Variants in TBC1D8 observed in about 807,000 individuals in gnomAD.
The protein encoded by TBC1D8 is TBC1 domain family member 8, also known as BUB2-like protein 1.
A neutral mutation model predicts 118.8 loss-of-function variants in TBC1D8; 65 were observed. The observed-to-expected ratio is 0.55, with a 90% CI of 0.45 to 0.67. TBC1D8 has a LOEUF of 0.67. Ranked by LOEUF, TBC1D8 falls within the 30% of genes least tolerant of loss-of-function variation. TBC1D8 has a pLI of 0.00. For missense variants in TBC1D8, 1,376 were observed against 1,471.2 expected, an observed-to-expected ratio of 0.94 and a Z score of 1.06; for synonymous variants, 566 against 595.8, an observed-to-expected ratio of 0.95 and a Z score of 0.73.
At chr2:101,072,159 G>A (rs887823803) in intron 2 of TBC1D8, among the ~76,000 whole-genome samples, 23 of 152,132 alleles carry the variant, frequency 1.5e-4, no homozygotes, top group African/African-American at 5.6e-4. Flanking sequence ...CTCAACAACA[G>A]GTATGTTAAT....
chr2:101,074,857 C>T (rs1426363505), intron 2 of TBC1D8, among the ~76,000 whole-genome samples: 2 of 152,262 alleles, frequency 1.3e-5, no homozygotes, highest in Admixed American at 6.5e-5. Flanking sequence ...TTTAGGTTCA[C>T]ACTTACTTGA....
rs373065828 is a variant in TBC1D8 at position 101,050,615 on chromosome 2, T to C, written c.658A>G (p.Ile220Val). 1.5e-5 allele frequency: 25 copies of C among 1,613,812 alleles called. No homozygotes were observed. The African/African-American group carries it at 2.3e-4, about 15-fold the overall frequency. Residue 220 changes from isoleucine to valine, a missense_variant, in exon 5 of 20, where the codon ATC becomes GTC. By Grantham distance (29) the Ile-to-Val change is conservative. Coordinates refer to ENST00000409318, the MANE Select transcript of TBC1D8 (RefSeq NM_001330348.2). ...TTGGACGTTCTTTCTAATTTCTGGATATCAACCCACGGAACCACAAGTTTA... is the reference window on the plus strand; with the variant it reads ...TTGGACGTTCTTTCTAATTTCTGGACATCAACCCACGGAACCACAAGTTTA... ...ELKLVVPWVDIQKLERTSNVF... is the reference protein window; with the variant it reads ...ELKLVVPWVDVQKLERTSNVF...
chr2:101,079,911 C>T (rs918503252), intron 2 of TBC1D8, among the ~76,000 whole-genome samples: 13 of 151,986 alleles, frequency 8.6e-5, no homozygotes, highest in African/African-American at 2.9e-4. Context: ...CGGTCTCGAT[C>T]TCCTGACCTC....
Position 101,007,559 on chromosome 2 carries a change from A to C in TBC1D8, c.*262T>G, listed in dbSNP as rs1427127683. 4.2e-6 allele frequency: 2 copies of C among 470,860 alleles called. No homozygotes were observed. Among genetic ancestry groups the C allele is most frequent in the East Asian group, 7.4e-5 (2 of 26,922 alleles). The allele number at this position is 470,860 out of a possible 1,614,324, so 29.2% of individuals were successfully genotyped here. On this transcript the variant is annotated 3_prime_UTR_variant, in exon 20 of 20. Coordinates refer to ENST00000409318, the MANE Select transcript of TBC1D8 (RefSeq NM_001330348.2). ...AAATCAACACTAGCATCACAGCAGA[A>C]GTGCCCATTTCAGCAAATCCGGTAA...
intron 5 of TBC1D8, among the ~76,000 whole-genome samples, chr2:101,047,365 G>A (rs771349312): frequency 5.9e-5 from 9 of 152,186 alleles, no homozygotes; most frequent in Non-Finnish European, 1.3e-4. Flanking sequence ...AGGCTCACCC[G>A]GCTCGTGACC....
rs767592224 is a variant in TBC1D8 at position 101,007,847 on chromosome 2, A to C, written c.3442T>G (p.Ser1148Ala). 1.9e-6 allele frequency: 3 copies of C among 1,613,348 alleles called. No individual in the cohort carries two copies. The highest frequency in any genetic ancestry group is 2.5e-6 in the Non-Finnish European group (3 of 1,179,880). ...TACAAGTTACTCAGCTTAAGTTCAG[A>C]TTGTGATTGGTGGCTCATTTCAAAA... ...KTFEMSHQSQ[S>A]ELKLSNL Residue 1148 changes from serine (S) to alanine (A), a missense_variant, in exon 20 of 20, where the codon TCT becomes GCT. Coordinates refer to ENST00000409318, the MANE Select transcript of TBC1D8 (RefSeq NM_001330348.2).
chr2:101,077,368 C>T (rs975803513), intron 2 of TBC1D8, among the ~76,000 whole-genome samples: 2 of 151,386 alleles, frequency 1.3e-5, no homozygotes, highest in Non-Finnish European at 2.9e-5. Context: ...CTGCCTCAGC[C>T]TCCCGGGTAG....
intron 1 of TBC1D8, among the ~76,000 whole-genome samples, chr2:101,149,673 G>T (rs1372045541): frequency 2.0e-5 from 3 of 152,130 alleles, no homozygotes; most frequent in Admixed American, 1.3e-4. Context: ...TCAAAGAAAG[G>T]GAGGGACGAC....
intron 2 of TBC1D8, among the ~76,000 whole-genome samples, chr2:101,069,528 G>A (rs1017066606): frequency 1.3e-5 from 2 of 152,234 alleles, no homozygotes; most frequent in Non-Finnish European, 2.9e-5. Flanking sequence ...GGAGGTTGCA[G>A]TGAGCCGAGA....
At position 101,037,707 on chromosome 2, in the gene TBC1D8, G is replaced by C. The variant is rs113562002; in HGVS notation, c.1277C>G (p.Ala426Gly). Residue 426 changes from alanine (A) to glycine (G), a missense_variant and splice_region_variant, in exon 8 of 20, where the codon GCT becomes GGT. Coordinates refer to ENST00000409318, the MANE Select transcript of TBC1D8 (RefSeq NM_001330348.2). ...HYDTSADDDM[A>G]SLVFHSTSMC... ...GCTTGTTGAATGAAACACGAGTGAA[G>C]CCTGCACAGCAAGAGAGACAGAGAC... The C allele has an allele frequency of 2.2e-3, 3,481 of 1,612,772 alleles. 50 individuals carry two copies. In the African/African-American group the frequency reaches 0.039, roughly 18 times the overall value.
chr2:101,008,274 C>A lies in TBC1D8; in HGVS notation c.3016-1G>T. ...TTTTACAGAACTGGATAAATTCTCT[C>A]TGAAATTGAAATAAGTCTTAGGTAG... On this transcript the variant is annotated splice_acceptor_variant, in intron 19 of 19. Coordinates refer to ENST00000409318, the MANE Select transcript of TBC1D8 (RefSeq NM_001330348.2). LOFTEE classifies it high-confidence loss of function. 6.6e-7 allele frequency: 1 copy of A among 1,517,782 alleles called. No homozygotes were observed. The highest frequency in any genetic ancestry group is 8.8e-7 in the Non-Finnish European group (1 of 1,134,228). 94.0% of individuals were successfully genotyped at this position (1,517,782 alleles called of 1,614,324 possible). A position where few individuals can be genotyped will look rare whatever the true frequency, so the allele number is the denominator to read the frequency against.
intron 1 of TBC1D8, among the ~76,000 whole-genome samples, chr2:101,118,817 G>A (rs1004662721): frequency 5.3e-5 from 8 of 152,102 alleles, no homozygotes; most frequent in Non-Finnish European, 7.4e-5. Context: ...AGACCAGACC[G>A]GGCAACATGT....
chr2:101,050,806 T>C (rs1478574753), intron 4 of TBC1D8, among the ~76,000 whole-genome samples, 165 bp from the exon 5 acceptor site: 1 of 152,180 alleles, frequency 6.6e-6, no homozygotes, highest in Non-Finnish European at 1.5e-5. Flanking sequence ...AGGTTTGCAA[T>C]ACAGGTAAAC....
At chr2:101,138,026 G>T (rs1217567159) in intron 1 of TBC1D8, among the ~76,000 whole-genome samples, 2 of 152,182 alleles carry the variant, frequency 1.3e-5, no homozygotes, top group African/African-American at 4.8e-5. Context: ...TTTCACTCAT[G>T]GCAGAAGGCA....
intron 1 of TBC1D8, among the ~76,000 whole-genome samples, chr2:101,118,422 C>A (rs1677927703): frequency 6.6e-6 from 1 of 152,178 alleles, no homozygotes; most frequent in Non-Finnish European, 1.5e-5. Context: ...GGTAGCCGGG[C>A]ACAGTGGCTC....
chr2:101,050,518 A>G lies in TBC1D8; in HGVS notation c.755T>C (p.Leu252Pro). 2 of 1,613,992 alleles carry G rather than the reference A, an allele frequency of 1.2e-6. No individual in the cohort carries two copies. Among genetic ancestry groups the G allele is most frequent in the Non-Finnish European group, 1.7e-6 (2 of 1,179,872 alleles). The change falls in exon 5 of 20, where the codon CTG becomes CCG. Residue 252 changes from leucine to proline, a missense_variant. Transcript: ENST00000409318. Reference sequence around the variant, plus strand: ...CTCCATGACCTTAAACACCTCATCCAGGTTCAGGAACATGGAGAAGTCACG... The same window carrying G: ...CTCCATGACCTTAAACACCTCATCCGGGTTCAGGAACATGGAGAAGTCACG... ...KERDFSMFLN[L>P]DEVFKVMEQL...
intron 1 of TBC1D8, among the ~76,000 whole-genome samples, chr2:101,147,439 A>G (rs1181747669): frequency 1.3e-5 from 2 of 152,154 alleles, no homozygotes; most frequent in African/African-American, 4.8e-5. Context: ...ACCAAGTGTG[A>G]GTGTTCCCTT....
rs1675012926 is a variant in TBC1D8 at position 101,078,706 on chromosome 2, C to G, written c.283+11503G>C. On this transcript the variant is annotated intron_variant, in intron 2 of 19. Transcript: ENST00000409318. ...CCTATTTTGGGACATCTTTGAAAAT[C>G]TTCATAACAAAAAAAAAAAAGGAAA... Among the ~76,000 whole-genome samples, 4 of 95,056 alleles carry G rather than the reference C, an allele frequency of 4.2e-5. No individual in the cohort carries two copies. The Admixed American group carries it at 5.3e-4, about 13-fold the overall frequency. The allele number at this position is 95,056 out of a possible 152,430, so 62.4% of individuals were successfully genotyped here. A position where few individuals can be genotyped will look rare whatever the true frequency, so the allele number is the denominator to read the frequency against.
intron 1 of TBC1D8, among the ~76,000 whole-genome samples, chr2:101,097,937 T>C (rs1676577343): frequency 1.3e-5 from 2 of 152,178 alleles, no homozygotes; most frequent in Admixed American, 1.3e-4. Flanking sequence ...TTGATGTAGA[T>C]TAATTTAGAA....
Sources: allele counts gnomAD v4.1 joint callset (sites outside exome capture counted in the v4.1 genomes callset), GRCh38; gene constraint gnomAD v4.1.1; transcripts MANE v1.5; gene names NCBI Gene and HGNC (gene_info 2026-07-23, HGNC 2026-07-21).